BLTP1: variants seen among roughly 807,000 people sequenced by gnomAD.
The protein encoded by BLTP1 is bridge-like lipid transfer protein family member 1.
chr4:122,346,014 AGACAACT>A, the BLTP1 span: 4 of 984,844 alleles, frequency 4.1e-6, no homozygotes, highest in African/African-American at 7.0e-5. Flanking sequence ...AGGTTCTGGT[AGACAACT>A]GACTTAGCGG....
At chr4:122,358,527 G>T in the BLTP1 span, among the ~76,000 whole-genome samples, 1 of 152,192 alleles carries the variant, frequency 6.6e-6, no homozygotes, top group African/African-American at 2.4e-5. Context: ...TTAACAGCAT[G>T]TCAGACTATA....
At chr4:122,199,465 C>T in the BLTP1 span, 5 of 1,597,944 alleles carry the variant, frequency 3.1e-6, no homozygotes, top group Non-Finnish European at 4.3e-6. Context: ...GTCTGTAGTA[C>T]ATGATGATAT....
At chr4:122,198,474 T>G in the BLTP1 span, 8 of 975,040 alleles carry the variant, frequency 8.2e-6, no homozygotes, top group African/African-American at 1.2e-4. Flanking sequence ...TGCTTCTGCC[T>G]TTTCACAACT....
chr4:122,304,698 A>T, the BLTP1 span: 1 of 1,499,746 alleles, frequency 6.7e-7, no homozygotes, highest in African/African-American at 1.4e-5. Context: ...GGTTTAAAAC[A>T]CGACTATTTT....
the BLTP1 span, chr4:122,182,635 C>T: frequency 2.0e-6 from 2 of 985,316 alleles, no homozygotes; most frequent in Non-Finnish European, 2.4e-6. Context: ...ATTCTGCTTC[C>T]TGACAAATGG....
chr4:122,345,969 TAAAG>T, the BLTP1 span: 1 of 968,160 alleles, frequency 1.0e-6, no homozygotes, highest in Non-Finnish European at 1.2e-6. Flanking sequence ...ACTTAGAAAA[TAAAG>T]AAGGAAATGT....
the BLTP1 span, chr4:122,180,241 T>C: frequency 1.1e-6 from 1 of 915,038 alleles, no homozygotes; most frequent in African/African-American, 1.8e-5. Context: ...TGAGCCTCAT[T>C]TTTTTCATCT....
chr4:122,235,131 A>G, the BLTP1 span: 3 of 1,056,262 alleles, frequency 2.8e-6, no homozygotes, highest in South Asian at 1.6e-5. Flanking sequence ...ACTTTGTGTG[A>G]TGTTATGAGT....
At chr4:122,241,705 C>T in the BLTP1 span, among the ~76,000 whole-genome samples, 14 of 152,174 alleles carry the variant, frequency 9.2e-5, no homozygotes, top group African/African-American at 3.4e-4. Flanking sequence ...GTTTTCTTAT[C>T]TTGCCCAAAA....
chr4:122,154,998 T>C, the BLTP1 span: 23 of 860,358 alleles, frequency 2.7e-5, no homozygotes, highest in Non-Finnish European at 3.1e-5. Context: ...GAAGACATGA[T>C]CAAAGGTGAT....
the BLTP1 span, chr4:122,324,306 G>T: frequency 1.0e-6 from 1 of 987,114 alleles, no homozygotes; most frequent in South Asian, 2.3e-5. Context: ...ATATTGTTAA[G>T]TAACATTAAA....
chr4:122,271,503 G>T, the BLTP1 span: 5 of 1,613,364 alleles, frequency 3.1e-6, no homozygotes, highest in Non-Finnish European at 4.2e-6. Flanking sequence ...TCATTAGGAA[G>T]ATCTGAAAGA....
chr4:122,341,478 CTG>C, the BLTP1 span, among the ~76,000 whole-genome samples: 1 of 152,068 alleles, frequency 6.6e-6, no homozygotes, highest in East Asian at 1.9e-4. Flanking sequence ...TAATGACAAA[CTG>C]TCATAATGTC....
the BLTP1 span, among the ~76,000 whole-genome samples, chr4:122,210,615 AG>A: frequency 6.6e-6 from 1 of 152,250 alleles, no homozygotes; most frequent in Middle Eastern, 3.4e-3. Context: ...GGACTCAATA[AG>A]AATGTTGTTT....
chr4:122,159,474 A>G, the BLTP1 span, among the ~76,000 whole-genome samples: 1 of 151,304 alleles, frequency 6.6e-6, no homozygotes, highest in African/African-American at 2.4e-5. Flanking sequence ...AAAAAAAAAA[A>G]AGTTTTTATT....
chr4:122,223,785 T>C, the BLTP1 span, among the ~76,000 whole-genome samples: 1 of 152,132 alleles, frequency 6.6e-6, no homozygotes, highest in Non-Finnish European at 1.5e-5. Context: ...TGAAAAAAAG[T>C]CAATGCATTT....
chr4:122,283,129 T>A, the BLTP1 span, among the ~76,000 whole-genome samples: 1 of 152,202 alleles, frequency 6.6e-6, no homozygotes, highest in African/African-American at 2.4e-5. Flanking sequence ...CTTCCTAGGA[T>A]AATAAAAATA....
the BLTP1 span, among the ~76,000 whole-genome samples, chr4:122,217,062 T>C: frequency 5.9e-5 from 9 of 152,178 alleles, no homozygotes; most frequent in Non-Finnish European, 1.2e-4. Context: ...ATTTATTGAT[T>C]TGTGTATAAA....
the BLTP1 span, chr4:122,347,930 A>C: frequency 1.6e-6 from 1 of 611,550 alleles, no homozygotes; most frequent in Non-Finnish European, 2.8e-6. Flanking sequence ...CCAACACAGT[A>C]AAAACAACAA....
Sources: gnomAD v4.1 joint callset for allele counts (sites outside exome capture counted in the v4.1 genomes callset) on GRCh38, gnomAD v4.1.1 for gene constraint, MANE v1.5 for transcripts, NCBI Gene and HGNC (gene_info 2026-07-23, HGNC 2026-07-21) for gene names.